TRIM14: variants seen among roughly 807,000 people sequenced by gnomAD.
TRIM14 encodes tripartite motif containing 14, also known as tripartite motif-containing protein 14.
TRIM14 carries 28 observed loss-of-function variants against 44.5 expected under a neutral mutation model. That is an observed-to-expected ratio of 0.63 (90% CI 0.47 to 0.86). The LOEUF (loss-of-function observed/expected upper bound fraction) is 0.86. TRIM14 is among the 40% of genes least tolerant of loss of function. The pLI is 0.00. For missense variants in TRIM14, 607 were observed against 611.1 expected, an observed-to-expected ratio of 0.99 and a Z score of 0.07; for synonymous variants, 299 against 269.2, an observed-to-expected ratio of 1.11 and a Z score of -1.08.
At chr9:98,081,340 A>C, downstream of TRIM14, 1 of 511,638 alleles carries the variant, frequency 2.0e-6, no homozygotes, top group Non-Finnish European at 3.5e-6. Flanking sequence ...AGAGTCTTCC[A>C]CTAATTCTCT....
chr9:98,110,047 C>T (rs1450142574), intron 1 of TRIM14, 63 bp from the exon 2 acceptor site: 1 of 1,246,066 alleles, frequency 8.0e-7, no homozygotes, highest in South Asian at 1.2e-5. Context: ...ACAGGCCCCC[C>T]ACAGGGGTCA....
downstream of TRIM14, chr9:98,080,822 CAGA>C (rs1451908980): frequency 6.3e-7 from 1 of 1,576,598 alleles, no homozygotes. Flanking sequence ...AAAGGAATAT[CAGA>C]AGCTCTTTCC....
chr9:98,047,486 C>A, the TRIM14 span, among the ~76,000 whole-genome samples: 3 of 152,148 alleles, frequency 2.0e-5, no homozygotes, highest in South Asian at 6.2e-4. Flanking sequence ...ACAGGAGGCA[C>A]CACAGAGCCT....
intron 6 of TRIM14, among the ~76,000 whole-genome samples, chr9:98,072,736 C>T (rs980642369): frequency 6.6e-6 from 1 of 152,114 alleles, no homozygotes; most frequent in African/African-American, 2.4e-5. Context: ...AGAGCCTTTA[C>T]GAGAGTTAAT....
At chr9:98,088,492 C>T (rs1825882966) in intron 5 of TRIM14, among the ~76,000 whole-genome samples, 1 of 152,082 alleles carries the variant, frequency 6.6e-6, no homozygotes, top group Admixed American at 6.6e-5. Flanking sequence ...GTAGCTGGGA[C>T]TACAGGCGCC....
At chr9:98,047,313 T>G in the TRIM14 span, among the ~76,000 whole-genome samples, 1 of 152,168 alleles carries the variant, frequency 6.6e-6, no homozygotes, top group Non-Finnish European at 1.5e-5. Flanking sequence ...TGTGAGACCA[T>G]CAAACCTCTT....
chr9:98,059,731 T>G, the TRIM14 span, among the ~76,000 whole-genome samples: 1 of 143,364 alleles, frequency 7.0e-6, no homozygotes, highest in African/African-American at 2.5e-5. Context: ...GTGTTTTTTG[T>G]TTTTTTTTTT....
Position 98,105,262 on chromosome 9 carries a change from G to T in TRIM14, c.303+4627C>A, listed in dbSNP as rs142555573. ...CGCAGGGGTTCTGGGTCTGGTGCCA[G>T]GCTGGGCCCTTGTGTCTCAGGCCCA... On this transcript the variant is annotated intron_variant, in intron 2 of 5. Transcript: ENST00000341469. Among the ~76,000 whole-genome samples, 3 of 152,380 alleles carry T rather than the reference G, an allele frequency of 2.0e-5. No homozygotes were observed. In the East Asian group the frequency reaches 5.8e-4, roughly 29 times the overall value.
intron 6 of TRIM14, among the ~76,000 whole-genome samples, chr9:98,078,500 C>T (rs1447656644): frequency 1.3e-5 from 2 of 151,990 alleles, no homozygotes; most frequent in Non-Finnish European, 2.9e-5. Context: ...TCGAGCTAAG[C>T]AGTTGAGGAA....
chr9:98,077,779 G>A (rs1030983478), intron 6 of TRIM14, among the ~76,000 whole-genome samples: 3 of 152,166 alleles, frequency 2.0e-5, no homozygotes, highest in African/African-American at 7.2e-5. Context: ...AGGCCTCTGA[G>A]ACTCAGAGAC....
At chr9:98,078,207 A>T in intron 6 of TRIM14, 1 of 1,614,152 alleles carries the variant, frequency 6.2e-7, no homozygotes, top group South Asian at 1.1e-5. Flanking sequence ...CCCAATGGTG[A>T]TCTCCAGTGG....
At chr9:98,113,109 A>T in intron 1 of TRIM14, among the ~76,000 whole-genome samples, 1 of 127,016 alleles carries the variant, frequency 7.9e-6, no homozygotes, top group Non-Finnish European at 1.6e-5. Context: ...GCGAAACTCC[A>T]TCTCAAAAAA....
chr9:98,112,442 T>C (rs1350858745), intron 1 of TRIM14, among the ~76,000 whole-genome samples: 3 of 152,118 alleles, frequency 2.0e-5, no homozygotes, highest in Non-Finnish European at 4.4e-5. Context: ...TTAAGCAAAT[T>C]CTAGAAGGTC....
chr9:98,103,496 T>C (rs1338146366), intron 2 of TRIM14, among the ~76,000 whole-genome samples: 1 of 152,112 alleles, frequency 6.6e-6, no homozygotes, highest in Non-Finnish European at 1.5e-5. Flanking sequence ...TATACCATTG[T>C]TTAAATTTTA....
intron 6 of TRIM14, among the ~76,000 whole-genome samples, chr9:98,070,900 G>A (rs937947357): frequency 6.6e-5 from 10 of 150,702 alleles, no homozygotes; most frequent in Non-Finnish European, 8.8e-5. Flanking sequence ...CAGCCTTGAC[G>A]GCCCAGGCTC....
downstream of TRIM14, among the ~76,000 whole-genome samples, chr9:98,064,578 A>C (rs1441392732): frequency 6.6e-6 from 1 of 152,166 alleles, no homozygotes; most frequent in South Asian, 2.1e-4. Context: ...TTTGAAGTAC[A>C]CATTATTGTT....
At chr9:98,072,554 G>GCA in intron 6 of TRIM14, among the ~76,000 whole-genome samples, 1 of 152,058 alleles carries the variant, frequency 6.6e-6, no homozygotes, top group African/African-American at 2.4e-5. Flanking sequence ...GGGACTACAG[G>GCA]TGCCCGCTAC....
At chr9:98,043,108 A>G in the TRIM14 span, among the ~76,000 whole-genome samples, 6 of 151,656 alleles carry the variant, frequency 4.0e-5, no homozygotes, top group African/African-American at 1.5e-4. Context: ...TTTTCCCCCT[A>G]TTTAGACTTG....
At chr9:98,078,464 A>T in intron 6 of TRIM14, 2 of 1,306,830 alleles carry the variant, frequency 1.5e-6, no homozygotes, top group Non-Finnish European at 2.1e-6. Context: ...ACATCCTTTG[A>T]CAGTCTTGCT....
Sources: allele counts gnomAD v4.1 joint callset (sites outside exome capture counted in the v4.1 genomes callset), GRCh38; gene constraint gnomAD v4.1.1; transcripts MANE v1.5; gene names NCBI Gene and HGNC (gene_info 2026-07-23, HGNC 2026-07-21).